CTNNA2: variants seen among roughly 807,000 people sequenced by gnomAD.
CTNNA2 encodes catenin alpha-2.
In CTNNA2, 42 loss-of-function variants were observed where a neutral mutation model predicts 101.0. The ratio of observed to expected loss-of-function variants is 0.42; its 90% CI spans 0.32 to 0.54. CTNNA2 has a LOEUF of 0.54. CTNNA2 is among the 20% of genes least tolerant of loss of function. The probability of loss-of-function intolerance (pLI) is 0.14; values close to 1 mark genes in which losing one functional copy is unlikely to be tolerated. For synonymous variants in CTNNA2, 450 were observed against 456.4 expected (o/e 0.99, Z 0.18); for missense variants, 871 against 1,223.1 (o/e 0.71, Z 4.29).
At chr2:80,161,138 C>G (rs906330940) in intron 7 of CTNNA2, among the ~76,000 whole-genome samples, 1 of 152,086 alleles carries the variant, frequency 6.6e-6, no homozygotes, top group East Asian at 1.9e-4. Flanking sequence ...TCCCCGCCTC[C>G]TGGAGTAGCT....
At chr2:79,690,530 G>A (rs890893388) in intron 2 of CTNNA2, among the ~76,000 whole-genome samples, 6 of 151,948 alleles carry the variant, frequency 3.9e-5, no homozygotes, top group South Asian at 4.1e-4. Context: ...TCTTTATCCA[G>A]TCTATCGTTG....
At chr2:79,793,419 G>C (rs1016529183) in intron 3 of CTNNA2, among the ~76,000 whole-genome samples, 2 of 152,162 alleles carry the variant, frequency 1.3e-5, no homozygotes, top group Non-Finnish European at 2.9e-5. Context: ...CTGAGCCACA[G>C]GAAGCTTTAT....
intron 1 of CTNNA2, among the ~76,000 whole-genome samples, chr2:79,644,397 A>T (rs1680663340): frequency 6.6e-6 from 1 of 152,172 alleles, no homozygotes; most frequent in Non-Finnish European, 1.5e-5. Context: ...ATAATTCGGG[A>T]TAATTTCCCT....
chr2:79,615,431 G>A (rs1034905422), intron 1 of CTNNA2, among the ~76,000 whole-genome samples: 36 of 152,142 alleles, frequency 2.4e-4, no homozygotes, highest in African/African-American at 8.7e-4. Context: ...TAGCTGTCTT[G>A]CTTTAACTGG....
intron 3 of CTNNA2, among the ~76,000 whole-genome samples, chr2:79,835,805 G>C (rs1414312197): frequency 7.0e-6 from 1 of 143,882 alleles, no homozygotes. Flanking sequence ...GCTAATTTTT[G>C]TATTTTTAGT....
chr2:79,333,021 T>G lies in CTNNA2; in HGVS notation c.-318+20225T>G, dbSNP rs74887651. The stretch of plus-strand genomic sequence containing the variant: ...CTCTGGGAACAACAGCAGGCAGACT[T>G]AAGAGGGAAGGCCAAGGGAAAGAAT... On this transcript the variant is annotated intron_variant, in intron 3 of 21. Transcript: ENST00000466387. Among the ~76,000 whole-genome samples the G allele has an allele frequency of 5.7e-3, 868 of 152,260 alleles. 8 individuals carry two copies. Among genetic ancestry groups the G allele is most frequent in the East Asian group, 0.037 (194 of 5,188 alleles).
intron 1 of CTNNA2, among the ~76,000 whole-genome samples, chr2:79,591,472 G>GA (rs1676840831): frequency 1.8e-5 from 1 of 56,322 alleles, no homozygotes; most frequent in Non-Finnish European, 4.7e-5. Context: ...ACCCTGAGGG[G>GA]GAAAAACAGC....
intron 1 of CTNNA2, among the ~76,000 whole-genome samples, chr2:79,649,959 C>A (rs1040448531): frequency 2.6e-5 from 4 of 151,996 alleles, no homozygotes; most frequent in African/African-American, 9.7e-5. Flanking sequence ...TAGAAATAAT[C>A]ATCTACATTG....
chr2:79,336,895 T>C (rs1347174290), intron 3 of CTNNA2, among the ~76,000 whole-genome samples: 1 of 152,204 alleles, frequency 6.6e-6, no homozygotes, highest in Non-Finnish European at 1.5e-5. Flanking sequence ...GTTCTGGCAG[T>C]AGTGATATCC....
At chr2:80,177,981 G>T (rs1705504842) in intron 7 of CTNNA2, among the ~76,000 whole-genome samples, 1 of 152,242 alleles carries the variant, frequency 6.6e-6, no homozygotes, top group Admixed American at 6.5e-5. Flanking sequence ...CTAGAAAGGG[G>T]CTGTAGTGCT....
chr2:80,212,194 T>A, intron 7 of CTNNA2, among the ~76,000 whole-genome samples: 1 of 152,230 alleles, frequency 6.6e-6, no homozygotes, highest in East Asian at 1.9e-4. Flanking sequence ...CTTTTCCTAA[T>A]TGAATACCCT....
intron 7 of CTNNA2, among the ~76,000 whole-genome samples, chr2:80,091,730 C>T (rs945560683): frequency 6.6e-6 from 1 of 151,962 alleles, no homozygotes; most frequent in African/African-American, 2.4e-5. Context: ...ATACCAGGAA[C>T]ATTAGAAAAA....
At chr2:80,598,730 G>A (rs1386613823) in intron 15 of CTNNA2, among the ~76,000 whole-genome samples, 1 of 152,126 alleles carries the variant, frequency 6.6e-6, no homozygotes, top group Non-Finnish European at 1.5e-5. Flanking sequence ...GCAATGATTT[G>A]GATAAACCTT....
chr2:79,463,678 C>A lies in CTNNA2; in HGVS notation c.-134-41376C>A, dbSNP rs531537194. ...CTTGGAAGCAAAGATTTCAGTAATA[C>A]TTCAAGAAAGTGATTATGTGGAAAA... On this transcript the variant is annotated intron_variant, in intron 4 of 21. Coordinates refer to the CTNNA2 transcript ENST00000466387. Among the ~76,000 whole-genome samples, 50 of 152,248 alleles carry A rather than the reference C, an allele frequency of 3.3e-4. 1 individual carries two copies. The South Asian group carries it at 1.0e-2, about 30-fold the overall frequency.
chr2:79,359,833 C>G (rs373623464), intron 3 of CTNNA2, among the ~76,000 whole-genome samples: 10 of 151,944 alleles, frequency 6.6e-5, no homozygotes, highest in East Asian at 5.8e-4. Context: ...GATAGGGGAC[C>G]CTTGATAATC....
intron 12 of CTNNA2, among the ~76,000 whole-genome samples, chr2:80,568,446 A>C (rs1297190651): frequency 6.6e-6 from 1 of 152,202 alleles, no homozygotes; most frequent in East Asian, 1.9e-4. Context: ...CAAGGGTTTA[A>C]ATGCAAAGAA....
chr2:80,561,150 G>A (rs1693553912), intron 12 of CTNNA2, among the ~76,000 whole-genome samples: 1 of 152,070 alleles, frequency 6.6e-6, no homozygotes, highest in Non-Finnish European at 1.5e-5. Flanking sequence ...GAATATGGGG[G>A]ACTGGAGTAT....
At chr2:79,921,325 TA>T (rs67195749) in intron 7 of CTNNA2, among the ~76,000 whole-genome samples, 2 of 149,704 alleles carry the variant, frequency 1.3e-5, no homozygotes, top group African/African-American at 2.5e-5. Flanking sequence ...TGGGGATAAA[TA>T]ACTTTGTAAG....
At chr2:79,799,614 C>T (rs1676002011) in intron 3 of CTNNA2, among the ~76,000 whole-genome samples, 1 of 152,058 alleles carries the variant, frequency 6.6e-6, no homozygotes, top group African/African-American at 2.4e-5. Context: ...ATCTTTGGAA[C>T]AGATAATGAA....
Sources: gnomAD v4.1 joint callset for allele counts (sites outside exome capture counted in the v4.1 genomes callset) on GRCh38, gnomAD v4.1.1 for gene constraint, MANE v1.5 for transcripts, NCBI Gene and HGNC (gene_info 2026-07-23, HGNC 2026-07-21) for gene names.